The following EFCAB5 variants were observed in gnomAD, a reference collection of about 807,000 sequenced individuals.
EFCAB5 encodes EF-hand calcium-binding domain-containing protein 5.
EFCAB5 carries 131 observed loss-of-function variants against 167.9 expected under a neutral mutation model. That is an observed-to-expected ratio of 0.78 (90% CI 0.68 to 0.90). The LOEUF (loss-of-function observed/expected upper bound fraction) is 0.90. Ranked by LOEUF, EFCAB5 falls within the 40% of genes least tolerant of loss-of-function variation. The pLI is 0.00. For synonymous variants in EFCAB5, 574 were observed against 602.8 expected (o/e 0.95, Z 0.70); for missense variants, 1,663 against 1,745.2 (o/e 0.95, Z 0.84).
intron 5 of EFCAB5, among the ~76,000 whole-genome samples, chr17:29,994,113 A>C (rs1198432590): frequency 7.8e-6 from 1 of 128,684 alleles, no homozygotes; most frequent in African/African-American, 2.9e-5. Flanking sequence ...CTTAAAAACA[A>C]AACAACAACA....
At chr17:30,050,776 G>A (rs751708023) in intron 8 of EFCAB5, among the ~76,000 whole-genome samples, 1 of 152,156 alleles carries the variant, frequency 6.6e-6, no homozygotes, top group Non-Finnish European at 1.5e-5. Context: ...ATGGAAAAAG[G>A]ACAAGTAGGG....
chr17:29,953,050 A>T (rs1195956884), intron 3 of EFCAB5, among the ~76,000 whole-genome samples: 1 of 152,180 alleles, frequency 6.6e-6, no homozygotes, highest in Non-Finnish European at 1.5e-5. Flanking sequence ...ACAATCAGGC[A>T]AGAGAAATAA....
At chr17:29,972,204 A>ATTTTTT (rs11409322) in intron 4 of EFCAB5, among the ~76,000 whole-genome samples, 2 of 127,450 alleles carry the variant, frequency 1.6e-5, no homozygotes, top group Non-Finnish European at 1.6e-5. Flanking sequence ...CGCCCGGCTA[A>ATTTTTT]TTTTTTTTTT....
At chr17:30,086,180 A>G (rs180926840) in intron 18 of EFCAB5, among the ~76,000 whole-genome samples, 9 of 152,112 alleles carry the variant, frequency 5.9e-5, no homozygotes, top group Admixed American at 5.9e-4. Context: ...TGATTCATAA[A>G]AACCCCTCTT....
chr17:29,947,072 G>A (rs2067416062), intron 3 of EFCAB5, among the ~76,000 whole-genome samples: 1 of 151,772 alleles, frequency 6.6e-6, no homozygotes, highest in African/African-American at 2.4e-5. Flanking sequence ...TACTTGGGAG[G>A]CTGAGGCAGG....
intron 8 of EFCAB5, among the ~76,000 whole-genome samples, chr17:30,049,542 A>G (rs2070027521): frequency 6.6e-6 from 1 of 152,150 alleles, no homozygotes; most frequent in Non-Finnish European, 1.5e-5. Flanking sequence ...ACTGGTCCCA[A>G]CTGAAAAATG....
At chr17:29,973,960 C>T (rs991489384) in intron 4 of EFCAB5, among the ~76,000 whole-genome samples, 2 of 151,534 alleles carry the variant, frequency 1.3e-5, no homozygotes, top group African/African-American at 2.4e-5. Flanking sequence ...GAGTTCGAGA[C>T]CTCCCTGGCC....
chr17:30,058,367 T>A (rs976353313), intron 13 of EFCAB5, among the ~76,000 whole-genome samples: 1 of 152,326 alleles, frequency 6.6e-6, no homozygotes, highest in African/African-American at 2.4e-5. Flanking sequence ...ATAAACAATT[T>A]ATTCTCTCAT....
intron 7 of EFCAB5, among the ~76,000 whole-genome samples, chr17:30,000,811 T>C (rs2068646031): frequency 6.6e-6 from 1 of 152,214 alleles, no homozygotes; most frequent in Non-Finnish European, 1.5e-5. Flanking sequence ...TGTGTTTGTC[T>C]ATTTGTCATG....
At chr17:29,990,122 G>A (rs564473476) in intron 4 of EFCAB5, among the ~76,000 whole-genome samples, 1 of 152,116 alleles carries the variant, frequency 6.6e-6, no homozygotes, top group Non-Finnish European at 1.5e-5. Flanking sequence ...TGTCCATTGG[G>A]CCCTTCGCAA....
At chr17:30,087,662 G>A (rs944399648) in intron 19 of EFCAB5, among the ~76,000 whole-genome samples, 1 of 152,118 alleles carries the variant, frequency 6.6e-6, no homozygotes, top group Non-Finnish European at 1.5e-5. Flanking sequence ...TGATGTGTGT[G>A]TATACCACAT....
At chr17:30,078,552 G>C (rs937199906) in intron 15 of EFCAB5, 48 bp downstream of exon 15, 1 of 1,486,366 alleles carries the variant, frequency 6.7e-7, no homozygotes, top group African/African-American at 1.4e-5. Flanking sequence ...CCTCAAAGTA[G>C]GCGATGTTCA....
intron 7 of EFCAB5, among the ~76,000 whole-genome samples, chr17:30,005,914 C>A (rs2068764617): frequency 6.6e-6 from 1 of 152,194 alleles, no homozygotes. Context: ...TCTGCTGACT[C>A]CAAGTTTTAG....
At chr17:30,102,282 G>A (rs1260719010) in intron 22 of EFCAB5, among the ~76,000 whole-genome samples, 1 of 152,086 alleles carries the variant, frequency 6.6e-6, no homozygotes, top group Non-Finnish European at 1.5e-5. Context: ...GAAGTTGTTG[G>A]GACTTTGAGG....
intron 14 of EFCAB5, among the ~76,000 whole-genome samples, chr17:30,066,836 A>G (rs972580097): frequency 6.6e-6 from 1 of 152,230 alleles, no homozygotes; most frequent in African/African-American, 2.4e-5. Flanking sequence ...GAGACATTAC[A>G]ACTGATACCA....
chr17:30,024,991 C>A lies in EFCAB5; in HGVS notation c.1045-9239C>A, dbSNP rs1407214925. On this transcript the variant is annotated intron_variant, in intron 7 of 22. Coordinates refer to ENST00000394835, the MANE Select transcript of EFCAB5 (RefSeq NM_198529.4). ...AAACTGGCTAGCCATATGTAGAAAG[C>A]TGAAACTGGATCCCTTCCTTACACC... Among the ~76,000 whole-genome samples the A allele has an allele frequency of 3.3e-5, 5 of 151,730 alleles. No individual in the cohort carries two copies. In the South Asian group the frequency reaches 6.2e-4, roughly 19 times the overall value.
At chr17:29,930,170 C>G in intron 1 of EFCAB5, 2 of 603,274 alleles carry the variant, frequency 3.3e-6, no homozygotes, top group Non-Finnish European at 5.6e-6. Flanking sequence ...ACCAGACTGT[C>G]GCCGACTGAC....
At chr17:30,076,940 T>TA (rs1318969259) in intron 14 of EFCAB5, among the ~76,000 whole-genome samples, 1 of 152,208 alleles carries the variant, frequency 6.6e-6, no homozygotes, top group African/African-American at 2.4e-5. Flanking sequence ...ATATGTAGCA[T>TA]AGTGTTGAAT....
At chr17:29,977,800 T>C (rs1353819866) in intron 4 of EFCAB5, among the ~76,000 whole-genome samples, 1 of 152,182 alleles carries the variant, frequency 6.6e-6, no homozygotes, top group Non-Finnish European at 1.5e-5. Context: ...ACAAACCAAG[T>C]AAAATTTCAA....
Sources: gnomAD v4.1 joint callset for allele counts (sites outside exome capture counted in the v4.1 genomes callset) on GRCh38, gnomAD v4.1.1 for gene constraint, MANE v1.5 for transcripts, NCBI Gene and HGNC (gene_info 2026-07-23, HGNC 2026-07-21) for gene names.